The following TNIK variants were observed in gnomAD, a reference collection of about 807,000 sequenced individuals.
TNIK encodes the protein TRAF2 and NCK interacting kinase.
Under a neutral mutation model 191.3 loss-of-function variants are expected in TNIK, and 49 were observed. The ratio of observed to expected loss-of-function variants is 0.26; its 90% confidence interval spans 0.20 to 0.32. TNIK has a LOEUF of 0.32. Among genes scored for constraint, TNIK ranks in the 10% least tolerant of loss-of-function variants. TNIK has a pLI of 1.00. For synonymous variants in TNIK, 594 were observed against 600.9 expected, an observed-to-expected ratio of 0.99 and a Z score of 0.17; for missense variants, 1,155 against 1,702.3, an observed-to-expected ratio of 0.68 and a Z score of 5.66.
chr3:171,364,996 G>A (rs1392053749), intron 2 of TNIK, among the ~76,000 whole-genome samples: 2 of 151,904 alleles, frequency 1.3e-5, no homozygotes, highest in Non-Finnish European at 2.9e-5. Context: ...TTTAGTGACA[G>A]AATAGTTCGT....
At chr3:171,198,668 TA>T (rs1325301201) in intron 4 of TNIK, among the ~76,000 whole-genome samples, 2 of 152,196 alleles carry the variant, frequency 1.3e-5, no homozygotes, top group Admixed American at 6.5e-5. Flanking sequence ...CTGTTGGGGC[TA>T]GTTTTGGGTG....
At chr3:171,070,447 T>TGAGAGA (rs542262596) in intron 29 of TNIK, among the ~76,000 whole-genome samples, 90 of 150,862 alleles carry the variant, frequency 6.0e-4, no homozygotes, top group Non-Finnish European at 1.1e-3. Flanking sequence ...AGACATAAGC[T>TGAGAGA]GAGAGAGAGA....
At chr3:171,379,984 G>A (rs375291536) in intron 1 of TNIK, among the ~76,000 whole-genome samples, 3 of 151,582 alleles carry the variant, frequency 2.0e-5, no homozygotes, top group East Asian at 3.9e-4. Flanking sequence ...ACTCCAGCCT[G>A]AGCGACAAAA....
intron 12 of TNIK, among the ~76,000 whole-genome samples, chr3:171,156,313 G>A (rs563430516): frequency 2.6e-5 from 4 of 152,288 alleles, no homozygotes; most frequent in Admixed American, 6.5e-5. Context: ...GGCCCTTACT[G>A]ATTTAAACCA....
At chr3:171,320,686 G>A (rs1295182404) in intron 2 of TNIK, among the ~76,000 whole-genome samples, 1 of 152,168 alleles carries the variant, frequency 6.6e-6, no homozygotes, top group African/African-American at 2.4e-5. Context: ...TTGCTAAATG[G>A]TCTTCTAACA....
chr3:171,172,562 G>T (rs1252720126), intron 9 of TNIK, among the ~76,000 whole-genome samples: 1 of 152,130 alleles, frequency 6.6e-6, no homozygotes, highest in African/African-American at 2.4e-5. Flanking sequence ...TTAAAAACTG[G>T]TGGAATTGTA....
chr3:171,432,109 A>C (rs955847998), intron 1 of TNIK, among the ~76,000 whole-genome samples: 1 of 152,236 alleles, frequency 6.6e-6, no homozygotes, highest in Non-Finnish European at 1.5e-5. Context: ...CAATAGCCAA[A>C]AGAGAAGAAA....
At position 171,126,118 on chromosome 3, in the gene TNIK, G is replaced by A. The variant is rs1481861718; in HGVS notation, c.1807C>T (p.Pro603Ser). 7 of 1,563,596 alleles carry A rather than the reference G, an allele frequency of 4.5e-6. No individual in the cohort carries two copies. The highest frequency in any genetic ancestry group is 6.0e-6 in the Non-Finnish European group (7 of 1,157,348). Reference protein sequence around the residue: ...PHLVAVKSQGPALTASQSVHE... With the variant: ...PHLVAVKSQGSALTASQSVHE... Reference sequence around the variant, plus strand: ...ACTGACTGGGAGGCGGTCAAGGCAGGTCCCTGGGATTTTACAGCTACCAGA... The same window carrying A: ...ACTGACTGGGAGGCGGTCAAGGCAGATCCCTGGGATTTTACAGCTACCAGA... Residue 603 changes from proline (P) to serine (S), a missense_variant, in exon 17 of 33, where the codon CCT (proline) becomes TCT (serine). Physicochemically the swap from Pro to Ser is moderately conservative, Grantham distance 74 (BLOSUM62 -1). Transcript: ENST00000436636.
intron 6 of TNIK, among the ~76,000 whole-genome samples, chr3:171,189,063 A>C (rs1206498660): frequency 2.0e-5 from 3 of 152,162 alleles, no homozygotes; most frequent in Non-Finnish European, 4.4e-5. Context: ...CTTTGTACCT[A>C]TTAAACAATA....
At chr3:171,378,265 T>G (rs1295385158) in intron 1 of TNIK, among the ~76,000 whole-genome samples, 3 of 152,178 alleles carry the variant, frequency 2.0e-5, no homozygotes, top group Admixed American at 2.0e-4. Context: ...AGAGGCGGTA[T>G]AGCATAATAG....
chr3:171,455,424 A>G (rs921751821), intron 1 of TNIK, among the ~76,000 whole-genome samples: 8 of 140,760 alleles, frequency 5.7e-5, no homozygotes, highest in African/African-American at 1.8e-4. Flanking sequence ...TTTTTTTTTT[A>G]GAGATGGAGT....
intron 19 of TNIK, 108 bp downstream of exon 19, chr3:171,110,606 C>T (rs1576845658): frequency 2.2e-6 from 3 of 1,384,952 alleles, no homozygotes; most frequent in East Asian, 5.1e-5. Context: ...CAGGATCACA[C>T]AGTGGTGGCC....
At chr3:171,139,377 C>T (rs7637376) in intron 14 of TNIK, 93 bp downstream of exon 14, 48,478 of 983,874 alleles carry the variant, frequency 0.049, 1,550 homozygotes, top group Middle Eastern at 0.076. Flanking sequence ...CACGCACGCG[C>T]GCACACACAC....
rs541711353 is a variant in TNIK, at chr3:171,302,048, TACATTGTATTACTCTC to T, written c.123+67556_123+67571del. ...AATTTAGATGCAAAGCCTACCAGTG[TACATTGTATTACTCTC>T]ACAATTCTTCTGCTTAATTTGAAAT... is the stretch of plus-strand genomic sequence containing the variant. On this transcript the variant is annotated intron_variant, in intron 2 of 32. Transcript: ENST00000436636. Among the ~76,000 whole-genome samples the T allele has an allele frequency of 2.2e-3, 333 of 152,346 alleles. 3 individuals carry two copies. Among genetic ancestry groups the T allele is most frequent in the African/African-American group, 7.5e-3 (312 of 41,572 alleles).
chr3:171,213,899 T>C (rs1741158178), intron 3 of TNIK, among the ~76,000 whole-genome samples: 1 of 152,176 alleles, frequency 6.6e-6, no homozygotes, highest in African/African-American at 2.4e-5. Context: ...GGTACTTAGA[T>C]AACGGATGTA....
At chr3:171,264,067 TACACACAC>T (rs760319253) in intron 2 of TNIK, among the ~76,000 whole-genome samples, 10,443 of 110,520 alleles carry the variant, frequency 0.094, 498 homozygotes, top group Non-Finnish European at 0.1. Context: ...TATATATACA[TACACACAC>T]ACACACACAC....
At chr3:171,066,471 T>C (rs755528549) in intron 31 of TNIK, 105 bp downstream of exon 31, 2 of 1,385,016 alleles carry the variant, frequency 1.4e-6, no homozygotes, top group South Asian at 3.1e-5. Context: ...TCACAGATTT[T>C]TTTTTTTTTT....
rs12637875 is a variant in TNIK, at chr3:171,175,281, G to A, written c.744C>T (p.Asn248=). The A allele has an allele frequency of 0.58, 926,511 of 1,611,146 alleles. 271,539 individuals are homozygous for A. Among genetic ancestry groups the A allele is most frequent in the East Asian group, 0.84 (37,643 of 44,800 alleles). Residue 248 remains asparagine, a synonymous_variant, in exon 9 of 33, where the codon AAC becomes AAT. Transcript: ENST00000436636. ...TCTTAGACTTCAGCCGAGGCGCTGG[G>A]TTCCGGGGGATGAGGAAGAGAGCTC... The part of the protein sequence containing the change: ...PMRALFLIPR[N]PAPRLKSKKW...
At chr3:171,146,548 G>T (rs1257202144) in intron 12 of TNIK, among the ~76,000 whole-genome samples, 1 of 152,116 alleles carries the variant, frequency 6.6e-6, no homozygotes, top group African/African-American at 2.4e-5. Flanking sequence ...ACTAGATTCT[G>T]GTCCTGCACT....
Sources: gnomAD v4.1 joint callset for allele counts (sites outside exome capture counted in the v4.1 genomes callset) on GRCh38, gnomAD v4.1.1 for gene constraint, MANE v1.5 for transcripts, NCBI Gene and HGNC (gene_info 2026-07-23, HGNC 2026-07-21) for gene names.